Variants in RB1 observed in about 807,000 individuals in gnomAD.
The protein encoded by RB1 is retinoblastoma-associated protein.
A neutral mutation model predicts 135.4 loss-of-function variants in RB1; 18 were observed. The observed-to-expected ratio is 0.13, with a 90% CI of 0.09 to 0.20. The LOEUF is 0.20. Among genes scored for constraint, RB1 ranks in the 10% least tolerant of loss-of-function variants. The pLI is 1.00. For synonymous variants in RB1, 365 were observed against 373.2 expected (o/e 0.98, Z 0.25); for missense variants, 868 against 1,110.0 (o/e 0.78, Z 3.10).
intron 17 of RB1, among the ~76,000 whole-genome samples, chr13:48,393,774 A>G (rs1309557145): frequency 1.3e-5 from 2 of 151,838 alleles, no homozygotes; most frequent in African/African-American, 2.4e-5. Flanking sequence ...ATTTTTTTGT[A>G]TTAAATTTTG....
intron 7 of RB1, among the ~76,000 whole-genome samples, chr13:48,361,981 C>G (rs1161437831): frequency 7.1e-6 from 1 of 141,376 alleles, no homozygotes; most frequent in Non-Finnish European, 1.5e-5. Context: ...CTCACTCACT[C>G]TGTCGCCCAG....
At chr13:48,311,119 A>G (rs1177236940) in intron 2 of RB1, among the ~76,000 whole-genome samples, 2 of 152,180 alleles carry the variant, frequency 1.3e-5, no homozygotes, top group African/African-American at 4.8e-5. Context: ...ATATGATTTT[A>G]GGCAAATTGG....
rs192756681 is a variant in RB1, at chr13:48,395,387, T to A, written c.1695+13944T>A. Among the ~76,000 whole-genome samples, 36 of 152,108 alleles carry A rather than the reference T, an allele frequency of 2.4e-4. 1 individual carries two copies. In the East Asian group the frequency reaches 6.8e-3, roughly 29 times the overall value. On this transcript the variant is annotated intron_variant, in intron 17 of 26. Coordinates refer to ENST00000267163, the MANE Select transcript of RB1 (RefSeq NM_000321.3). ...TCCCCAGCAAGGGGAGTTTGACGAATTGACAGAAGTAGGCTTCAGAAGGTG... is the reference window on the plus strand; with the variant it reads ...TCCCCAGCAAGGGGAGTTTGACGAAATGACAGAAGTAGGCTTCAGAAGGTG...
chr13:48,449,238 A>T (rs907510865), intron 17 of RB1, among the ~76,000 whole-genome samples: 2 of 152,180 alleles, frequency 1.3e-5, no homozygotes, highest in Non-Finnish European at 2.9e-5. Flanking sequence ...TGCCACTCAT[A>T]TAAAAGAGTA....
chr13:48,328,156 C>G, intron 2 of RB1: 1 of 1,393,548 alleles, frequency 7.2e-7, no homozygotes, highest in South Asian at 1.2e-5. Context: ...TCAGAAAACC[C>G]ATGCTTTCCT....
chr13:48,328,202 A>T, intron 2 of RB1: 1 of 1,476,876 alleles, frequency 6.8e-7, no homozygotes, highest in Non-Finnish European at 9.5e-7. Flanking sequence ...ATGTTGGTGT[A>T]TCCCTTGCAA....
chr13:48,376,249 C>T (rs1364860345), intron 12 of RB1, among the ~76,000 whole-genome samples: 1 of 151,916 alleles, frequency 6.6e-6, no homozygotes. Context: ...ACCTGTAATC[C>T]CAGCACTTTG....
chr13:48,357,853 A>G (rs1952606031), intron 6 of RB1, among the ~76,000 whole-genome samples: 1 of 152,140 alleles, frequency 6.6e-6, no homozygotes. Context: ...TAGAATTTAC[A>G]ATGTCTCAAG....
chr13:48,379,773 A>G, intron 14 of RB1, 123 bp downstream of exon 14: 1 of 1,258,504 alleles, frequency 7.9e-7, no homozygotes, highest in East Asian at 2.7e-5. Flanking sequence ...CATCCTGGCC[A>G]AAATGGTGAA....
chr13:48,312,322 T>C (rs1302181241), intron 2 of RB1, among the ~76,000 whole-genome samples: 1 of 152,234 alleles, frequency 6.6e-6, no homozygotes, highest in Non-Finnish European at 1.5e-5. Context: ...TCTCTTCCTT[T>C]CATGTTGTGC....
At chr13:48,423,704 GA>G (rs1310065079) in intron 17 of RB1, among the ~76,000 whole-genome samples, 6 of 152,194 alleles carry the variant, frequency 3.9e-5, no homozygotes, top group Non-Finnish European at 8.8e-5. Context: ...AAAATCAAAT[GA>G]GAGAGTATGT....
intron 17 of RB1, chr13:48,427,003 C>T: frequency 6.5e-6 from 1 of 152,964 alleles, no homozygotes; most frequent in Non-Finnish European, 1.5e-5. Context: ...AGGAGGAGGT[C>T]CCATGCCCTT....
At chr13:48,349,050 T>C (rs1450779064) in intron 6 of RB1, 27 bp downstream of exon 6, 2 of 1,573,586 alleles carry the variant, frequency 1.3e-6, no homozygotes, top group Non-Finnish European at 1.7e-6. Flanking sequence ...TATTAAATGC[T>C]AATATTTCAA....
chr13:48,373,760 A>T (rs908312224), intron 12 of RB1, among the ~76,000 whole-genome samples: 1 of 151,876 alleles, frequency 6.6e-6, no homozygotes, highest in African/African-American at 2.4e-5. Flanking sequence ...TTCTGAGATA[A>T]TTTTTTTCTT....
intron 17 of RB1, among the ~76,000 whole-genome samples, chr13:48,448,164 T>G (rs945324341): frequency 2.0e-5 from 3 of 152,226 alleles, no homozygotes; most frequent in Non-Finnish European, 4.4e-5. Flanking sequence ...ATATTTAGTA[T>G]AACAGTATGT....
At chr13:48,431,461 C>G (rs535255070) in intron 17 of RB1, among the ~76,000 whole-genome samples, 66 of 152,280 alleles carry the variant, frequency 4.3e-4, no homozygotes, top group South Asian at 1.2e-3. Flanking sequence ...TTCAAAGAGA[C>G]TAGCTCTTTA....
At chr13:48,321,381 C>T (rs1952238548) in intron 2 of RB1, among the ~76,000 whole-genome samples, 2 of 135,418 alleles carry the variant, frequency 1.5e-5, no homozygotes, top group Non-Finnish European at 3.2e-5. Flanking sequence ...GCCCTCCGCC[C>T]GGGCCCCGCC....
intron 4 of RB1, among the ~76,000 whole-genome samples, chr13:48,345,635 TTTCCATTACAG>T (rs1952485903): frequency 6.6e-6 from 1 of 152,202 alleles, no homozygotes; most frequent in African/African-American, 2.4e-5. Context: ...TAGAGGACTT[TTTCCATTACAG>T]TTCGAGTAGG....
intron 2 of RB1, among the ~76,000 whole-genome samples, chr13:48,308,512 G>A (rs1477039195): frequency 6.6e-6 from 1 of 151,928 alleles, no homozygotes; most frequent in Non-Finnish European, 1.5e-5. Flanking sequence ...AATTAGCCAG[G>A]CATGGTAGCA....
Sources: allele counts gnomAD v4.1 joint callset (sites outside exome capture counted in the v4.1 genomes callset), GRCh38; gene constraint gnomAD v4.1.1; transcripts MANE v1.5; gene names NCBI Gene and HGNC (gene_info 2026-07-23, HGNC 2026-07-21).